The following PPA2 variants were observed in gnomAD, a reference collection of about 807,000 sequenced individuals.
PPA2 encodes the protein inorganic pyrophosphatase 2, mitochondrial.
PPA2 carries 48 observed loss-of-function variants against 49.5 expected under a neutral mutation model. The observed-to-expected ratio is 0.97, with a 90% CI of 0.77 to 1.23. PPA2 has a LOEUF of 1.23. PPA2 is among the 50% of genes most tolerant of loss of function. PPA2 has a pLI of 0.00. For synonymous variants in PPA2, 131 were observed against 139.9 expected (o/e 0.94, Z 0.45); for missense variants, 429 against 410.1 (o/e 1.05, Z -0.40).
intron 7 of PPA2, among the ~76,000 whole-genome samples, chr4:105,409,352 C>T (rs1030068448): frequency 6.6e-6 from 1 of 152,214 alleles, no homozygotes; most frequent in Non-Finnish European, 1.5e-5. Context: ...GGAGGAGGGG[C>T]GTCCACCATT....
At chr4:105,451,913 G>T (rs72952274) in intron 3 of PPA2, among the ~76,000 whole-genome samples, 5,021 of 152,148 alleles carry the variant, frequency 0.033, 274 homozygotes, top group African/African-American at 0.11. Flanking sequence ...GTTTTCCTAA[G>T]ATTAATGTTA....
intron 9 of PPA2, among the ~76,000 whole-genome samples, chr4:105,391,949 T>C (rs2713847): frequency 0.42 from 64,458 of 151,944 alleles, 14,303 homozygotes; most frequent in East Asian, 0.68. Context: ...TGAATTAGTG[T>C]AGTTTTATAA....
chr4:105,405,684 C>T (rs1722436467), intron 7 of PPA2: 3 of 957,198 alleles, frequency 3.1e-6, no homozygotes, highest in South Asian at 7.3e-5. Flanking sequence ...GCACTAAATT[C>T]GTGTTTCAAT....
intron 1 of PPA2, among the ~76,000 whole-genome samples, chr4:105,462,114 G>A (rs1342575334): frequency 6.6e-6 from 1 of 152,114 alleles, no homozygotes; most frequent in African/African-American, 2.4e-5. Flanking sequence ...TGGTACATAT[G>A]CGCTACAGAC....
intron 10 of PPA2, among the ~76,000 whole-genome samples, chr4:105,380,290 T>C (rs1400411951): frequency 6.6e-6 from 1 of 152,222 alleles, no homozygotes; most frequent in Non-Finnish European, 1.5e-5. Flanking sequence ...ATATAAAATA[T>C]GTTCACATTG....
chr4:105,387,432 G>A (rs113154453), intron 9 of PPA2, among the ~76,000 whole-genome samples: 3,115 of 152,206 alleles, frequency 0.02, 49 homozygotes, highest in Middle Eastern at 0.061. Flanking sequence ...TAAAACACAC[G>A]TAAACATATT....
At chr4:105,450,227 A>G (rs1722607435) in intron 3 of PPA2, among the ~76,000 whole-genome samples, 1 of 152,196 alleles carries the variant, frequency 6.6e-6, no homozygotes, top group Non-Finnish European at 1.5e-5. Context: ...GGTTTAAAAC[A>G]CTGTACTCCA....
At chr4:105,409,420 G>A (rs1276165063) in intron 7 of PPA2, among the ~76,000 whole-genome samples, 1 of 152,138 alleles carries the variant, frequency 6.6e-6, no homozygotes, top group East Asian at 1.9e-4. Flanking sequence ...GTGGACCTCA[G>A]TGCCCCTCTG....
chr4:105,457,589 G>A (rs1471741387), intron 1 of PPA2, among the ~76,000 whole-genome samples: 1 of 150,464 alleles, frequency 6.6e-6, no homozygotes, highest in African/African-American at 2.4e-5. Flanking sequence ...CCACATCTTG[G>A]TTTCTTTCTT....
At chr4:105,423,665 T>G (rs532248421) in intron 7 of PPA2, among the ~76,000 whole-genome samples, 3 of 152,150 alleles carry the variant, frequency 2.0e-5, no homozygotes, top group African/African-American at 7.2e-5. Context: ...TGCCAAGCTA[T>G]TTCCAGAACT....
chr4:105,430,698 T>C (rs1375872362), intron 6 of PPA2, among the ~76,000 whole-genome samples: 2 of 152,108 alleles, frequency 1.3e-5, no homozygotes, highest in Non-Finnish European at 2.9e-5. Context: ...TATAACACTA[T>C]AGATATGAGG....
intron 6 of PPA2, among the ~76,000 whole-genome samples, chr4:105,430,912 C>T (rs1723771098): frequency 6.6e-6 from 1 of 151,778 alleles, no homozygotes; most frequent in Admixed American, 6.6e-5. Context: ...TAGATATTAT[C>T]CCTGTCTTGG....
chr4:105,428,267 G>A (rs116931067), intron 6 of PPA2, among the ~76,000 whole-genome samples: 9 of 152,258 alleles, frequency 5.9e-5, no homozygotes, highest in East Asian at 5.8e-4. Flanking sequence ...AAAGATGATC[G>A]ATGCTATGAA....
In PPA2 at chr4:105,425,151, GACA is replaced by G. The variant is rs1228060472; in HGVS notation, c.529-832_529-830del. 2.0e-5 allele frequency among the ~76,000 whole-genome samples: 3 copies of G among 152,218 alleles called. No homozygotes were observed. The East Asian group carries it at 5.8e-4, about 29-fold the overall frequency. On this transcript the variant is annotated intron_variant, in intron 6 of 11. Transcript: ENST00000341695. ...TAAAAACAAATATTCTTTAAAGGAA[GACA>G]ACAACATCCAGGCACTCGACATAAC... is the stretch of plus-strand genomic sequence containing the variant.
intron 2 of PPA2, among the ~76,000 whole-genome samples, chr4:105,454,190 A>G (rs1172458190): frequency 6.6e-6 from 1 of 152,242 alleles, no homozygotes; most frequent in Admixed American, 6.5e-5. Flanking sequence ...ACAAATGCTC[A>G]ACCAGCATAT....
intron 1 of PPA2, among the ~76,000 whole-genome samples, chr4:105,460,711 G>A (rs1015398460): frequency 1.2e-4 from 19 of 152,098 alleles, no homozygotes; most frequent in African/African-American, 4.3e-4. Flanking sequence ...TATCATGGGG[G>A]TAAAAGAAAC....
chr4:105,471,277 G>A (rs1379005872), intron 1 of PPA2, among the ~76,000 whole-genome samples: 1 of 152,154 alleles, frequency 6.6e-6, no homozygotes, highest in Admixed American at 6.5e-5. Flanking sequence ...GTCAGGGCTG[G>A]CACCAAGGAG....
intron 5 of PPA2, among the ~76,000 whole-genome samples, chr4:105,441,977 G>A (rs1040575176): frequency 2.0e-5 from 3 of 150,726 alleles, no homozygotes; most frequent in Non-Finnish European, 4.4e-5. Context: ...CAAGTCGAAG[G>A]AAGACCTTTG....
intron 8 of PPA2, among the ~76,000 whole-genome samples, chr4:105,397,409 T>C (rs67248885): frequency 0.12 from 18,758 of 152,188 alleles, 1,214 homozygotes; most frequent in African/African-American, 0.15. Flanking sequence ...AGATTTTTAA[T>C]CAAATTATTT....
Sources: gnomAD v4.1 joint callset for allele counts (sites outside exome capture counted in the v4.1 genomes callset) on GRCh38, gnomAD v4.1.1 for gene constraint, MANE v1.5 for transcripts, NCBI Gene and HGNC (gene_info 2026-07-23, HGNC 2026-07-21) for gene names.